ADCY2: variants seen among roughly 807,000 people sequenced by gnomAD.
ADCY2 encodes the protein adenylate cyclase type 2.
A neutral mutation model predicts 125.2 loss-of-function variants in ADCY2; 31 were observed. That is an observed-to-expected ratio of 0.25 (90% CI 0.19 to 0.33). The LOEUF is 0.33. Among genes scored for constraint, ADCY2 ranks in the 10% least tolerant of loss-of-function variants. The pLI, the probability that ADCY2 is intolerant of heterozygous loss-of-function variation, is 1.00. For missense variants in ADCY2, 904 were observed against 1,418.2 expected, an observed-to-expected ratio of 0.64 and a Z score of 5.82; for synonymous variants, 512 against 548.4, an observed-to-expected ratio of 0.93 and a Z score of 0.93.
intron 3 of ADCY2, among the ~76,000 whole-genome samples, chr5:7,567,368 T>A (rs959008935): frequency 7.9e-5 from 12 of 152,014 alleles, no homozygotes; most frequent in South Asian, 2.1e-4. Flanking sequence ...CATTTGCTTA[T>A]TTTTTTTCCC....
At chr5:7,794,589 G>C in intron 20 of ADCY2, 1 of 152,236 alleles carries the variant, frequency 6.6e-6, no homozygotes, top group South Asian at 2.1e-4. Flanking sequence ...CTCAGAAAGG[G>C]AGAGTTTTGT....
intron 20 of ADCY2, among the ~76,000 whole-genome samples, chr5:7,790,041 A>C (rs917902445): frequency 6.6e-6 from 1 of 152,340 alleles, no homozygotes; most frequent in East Asian, 1.9e-4. Context: ...AGGTGGATTC[A>C]TTATTAGAGA....
At position 7,505,502 on chromosome 5, in the gene ADCY2, C is replaced by T. The variant is rs977877195; in HGVS notation, c.409-15236C>T. Among the ~76,000 whole-genome samples, 10 of 152,294 alleles carry T rather than the reference C, an allele frequency of 6.6e-5. No homozygotes were observed. The East Asian group carries it at 9.7e-4, about 15-fold the overall frequency. ...ACAGGGGAGAGCACAAGGTTTCAGG[C>T]GACCATCCCCCTGATGGGTTGGAGC... On this transcript the variant is annotated intron_variant, in intron 2 of 24. Transcript: ENST00000338316.
chr5:7,441,148 G>A (rs1740999124), intron 2 of ADCY2, among the ~76,000 whole-genome samples: 1 of 152,142 alleles, frequency 6.6e-6, no homozygotes, highest in Non-Finnish European at 1.5e-5. Flanking sequence ...GTGACTGAGG[G>A]ACACAAACTT....
chr5:7,671,895 G>C (rs1739948717), intron 4 of ADCY2, among the ~76,000 whole-genome samples: 1 of 152,146 alleles, frequency 6.6e-6, no homozygotes, highest in East Asian at 1.9e-4. Context: ...ATTTTCAGGT[G>C]AGGAAAATGA....
intron 4 of ADCY2, among the ~76,000 whole-genome samples, chr5:7,634,218 T>C (rs2126666771): frequency 6.6e-6 from 1 of 152,334 alleles, no homozygotes; most frequent in East Asian, 1.9e-4. Context: ...ATGAGCACAG[T>C]TGCAGATACA....
At chr5:7,766,403 T>C (rs2126473301) in intron 16 of ADCY2, among the ~76,000 whole-genome samples, 1 of 152,362 alleles carries the variant, frequency 6.6e-6, no homozygotes, top group South Asian at 2.1e-4. Context: ...GTTTCAAATG[T>C]AATTCTAACC....
intron 15 of ADCY2, among the ~76,000 whole-genome samples, chr5:7,753,443 G>A (rs1221131595): frequency 6.6e-6 from 1 of 152,168 alleles, no homozygotes; most frequent in Admixed American, 6.5e-5. Flanking sequence ...TCCACTGACT[G>A]GGCTCACAGC....
chr5:7,631,520 A>G (rs1040233406), intron 4 of ADCY2, among the ~76,000 whole-genome samples: 1 of 152,136 alleles, frequency 6.6e-6, no homozygotes, highest in Non-Finnish European at 1.5e-5. Context: ...ATCTCTGGGA[A>G]TGTTAACTGG....
At chr5:7,770,263 A>T (rs1743514232) in intron 17 of ADCY2, among the ~76,000 whole-genome samples, 1 of 152,218 alleles carries the variant, frequency 6.6e-6, no homozygotes, top group Admixed American at 6.5e-5. Context: ...ATAGGTGTTG[A>T]CACCTAGTTC....
intron 3 of ADCY2, among the ~76,000 whole-genome samples, chr5:7,557,816 A>T (rs1175408549): frequency 6.6e-6 from 1 of 152,206 alleles, no homozygotes; most frequent in Admixed American, 6.5e-5. Flanking sequence ...ATAGTGCTGC[A>T]ATGAACATAC....
rs2126532517 is a variant in ADCY2, at chr5:7,520,791, C to A, written c.462C>A (p.Asn154Lys). The A allele has an allele frequency of 6.2e-7, 1 of 1,614,208 alleles. No individual in the cohort carries two copies. The change falls in exon 3 of 25, where the codon AAC becomes AAA. Residue 154 changes from asparagine (N) to lysine (K), a missense_variant. Coordinates refer to ENST00000338316, the MANE Select transcript of ADCY2 (RefSeq NM_020546.3). ...IFVVYTMLPF[N>K]MRDAIIASVL... ...TGGTGTACACCATGCTGCCCTTCAA[C>A]ATGCGAGACGCCATCATTGCCAGCG...
chr5:7,628,821 TTAAA>T (rs1405435620), intron 4 of ADCY2, among the ~76,000 whole-genome samples: 2 of 144,432 alleles, frequency 1.4e-5, no homozygotes, highest in East Asian at 4.1e-4. Context: ...TTATCTTGGT[TTAAA>T]AAAAAAAAAA....
chr5:7,480,038 A>T (rs562383703), intron 2 of ADCY2, among the ~76,000 whole-genome samples: 6 of 152,338 alleles, frequency 3.9e-5, no homozygotes, highest in African/African-American at 1.4e-4. Flanking sequence ...ATCATTAGAG[A>T]AATACAAATC....
chr5:7,641,078 G>T (rs1196366937), intron 4 of ADCY2, among the ~76,000 whole-genome samples: 2 of 152,162 alleles, frequency 1.3e-5, no homozygotes, highest in Non-Finnish European at 2.9e-5. Flanking sequence ...GCCTTTCAAG[G>T]CAGGAGATTA....
intron 11 of ADCY2, among the ~76,000 whole-genome samples, chr5:7,716,542 A>G (rs1394788625): frequency 6.6e-6 from 1 of 152,238 alleles, no homozygotes; most frequent in Non-Finnish European, 1.5e-5. Context: ...GTGAATAAGG[A>G]CACATCTTTA....
chr5:7,791,232 G>A (rs2126506938), intron 20 of ADCY2, among the ~76,000 whole-genome samples: 1 of 151,916 alleles, frequency 6.6e-6, no homozygotes, highest in East Asian at 1.9e-4. Flanking sequence ...GTGAGTTTGG[G>A]GTCCTGAGAT....
intron 3 of ADCY2, among the ~76,000 whole-genome samples, chr5:7,527,951 TCTGA>T (rs1277417387): frequency 6.6e-6 from 1 of 152,228 alleles, no homozygotes; most frequent in African/African-American, 2.4e-5. Flanking sequence ...GGATCTCTGT[TCTGA>T]CTGTTTGTCT....
intron 2 of ADCY2, among the ~76,000 whole-genome samples, chr5:7,420,380 G>T (rs1174016862): frequency 6.6e-6 from 1 of 152,156 alleles, no homozygotes; most frequent in African/African-American, 2.4e-5. Flanking sequence ...TTCAGTGTGT[G>T]CCCCTGAGAA....
Sources: allele counts gnomAD v4.1 joint callset (sites outside exome capture counted in the v4.1 genomes callset), GRCh38; gene constraint gnomAD v4.1.1; transcripts MANE v1.5; gene names NCBI Gene and HGNC (gene_info 2026-07-23, HGNC 2026-07-21).